Variants in PLA2G4E observed in about 807,000 individuals in gnomAD.
PLA2G4E encodes the protein cytosolic phospholipase A2 epsilon.
In PLA2G4E, 84 loss-of-function variants were observed where a neutral mutation model predicts 109.1. That is an observed-to-expected ratio of 0.77 (90% CI 0.65 to 0.92). The LOEUF (loss-of-function observed/expected upper bound fraction) is 0.92. PLA2G4E is among the 40% of genes least tolerant of loss of function. PLA2G4E has a pLI of 0.00. For synonymous variants in PLA2G4E, 469 were observed against 436.1 expected (o/e 1.08, Z -0.94); for missense variants, 1,057 against 1,076.6 (o/e 0.98, Z 0.25).
At chr15:41,996,350 G>GAAAAAAAAAAAAA (rs34559872) in intron 11 of PLA2G4E, among the ~76,000 whole-genome samples, 7 of 75,104 alleles carry the variant, frequency 9.3e-5, no homozygotes, top group Admixed American at 1.8e-4. Context: ...CCTGTCTCAA[G>GAAAAAAAAAAAAA]AAAAAAAAAA....
chr15:41,995,363 G>A, exon 12 of PLA2G4E: 4 of 1,612,916 alleles, frequency 2.5e-6, no homozygotes, highest in Non-Finnish European at 2.5e-6. Context: ...TCCTTACCAG[G>A]TGGCCCCTGA....
chr15:41,995,033 T>C (rs1030693186), intron 12 of PLA2G4E, among the ~76,000 whole-genome samples: 1 of 152,258 alleles, frequency 6.6e-6, no homozygotes, highest in Non-Finnish European at 1.5e-5. Flanking sequence ...GTCATGTTCC[T>C]GGGTCCATAC....
chr15:41,999,862 C>G, intron 9 of PLA2G4E, 55 bp downstream of exon 9: 1 of 1,513,968 alleles, frequency 6.6e-7, no homozygotes, highest in Non-Finnish European at 9.0e-7. Context: ...ACCTCCCTAC[C>G]ACAGGAGCTC....
exon 8 of PLA2G4E, chr15:42,000,159 T>C (rs1316800796): frequency 6.3e-7 from 1 of 1,595,788 alleles, no homozygotes; most frequent in Non-Finnish European, 8.5e-7. Context: ...CTGGAAGTAC[T>C]TGGGGTAGTG....
intron 7 of PLA2G4E, 39 bp from the exon 8 acceptor site, chr15:42,000,321 C>T: frequency 6.6e-7 from 1 of 1,523,152 alleles, no homozygotes. Flanking sequence ...CTGGGAGCCT[C>T]TCACTACCCA....
At chr15:42,014,126 AG>A (rs2068565894) in intron 1 of PLA2G4E, among the ~76,000 whole-genome samples, 1 of 151,934 alleles carries the variant, frequency 6.6e-6, no homozygotes, top group Non-Finnish European at 1.5e-5. Flanking sequence ...TCCTTATGTC[AG>A]GTGATCCACC....
intron 1 of PLA2G4E, among the ~76,000 whole-genome samples, chr15:42,034,589 C>T (rs1367907896): frequency 1.3e-5 from 2 of 152,218 alleles, no homozygotes; most frequent in Non-Finnish European, 2.9e-5. Context: ...CATTCTCATC[C>T]TCTTAGACTC....
At chr15:42,046,103 T>A (rs1889411536) in intron 1 of PLA2G4E, among the ~76,000 whole-genome samples, 1 of 152,170 alleles carries the variant, frequency 6.6e-6, no homozygotes, top group Non-Finnish European at 1.5e-5. Flanking sequence ...TACTGTCCAA[T>A]GCTACCACCC....
chr15:42,010,132 G>GCCCCACCCCCCCCCCCCCCCCCC, intron 2 of PLA2G4E: 1 of 417,170 alleles, frequency 2.4e-6, no homozygotes, highest in Non-Finnish European at 4.7e-6. Flanking sequence ...CAGAACACTG[G>GCCCCACCCCCCCCCCCCCCCCCC]CCCCCCCACC....
At chr15:42,046,187 C>A (rs1024673168) in intron 1 of PLA2G4E, among the ~76,000 whole-genome samples, 2 of 152,222 alleles carry the variant, frequency 1.3e-5, no homozygotes, top group Non-Finnish European at 2.9e-5. Flanking sequence ...TCCCCTCTGG[C>A]CCCCAGGAAA....
At chr15:41,987,890 GGGGCCGCCCCCCATCACCCAGCCA>G (rs1392861050) in intron 16 of PLA2G4E, among the ~76,000 whole-genome samples, 135 bp downstream of exon 16, 1 of 149,608 alleles carries the variant, frequency 6.7e-6, no homozygotes, top group Non-Finnish European at 1.5e-5. Flanking sequence ...GGGAAAGCCG[GGGGCCGCCCCCCATCACCCAGCCA>G]TGAGGGAAAG....
chr15:42,043,277 T>C (rs776838656), intron 1 of PLA2G4E, among the ~76,000 whole-genome samples: 7 of 151,710 alleles, frequency 4.6e-5, no homozygotes, highest in Non-Finnish European at 1.0e-4. Context: ...GCCTAAGAGG[T>C]AGGTGGCTCT....
At chr15:42,013,557 T>C in intron 2 of PLA2G4E, 128 bp downstream of exon 2, 2 of 827,962 alleles carry the variant, frequency 2.4e-6, no homozygotes, top group Admixed American at 2.1e-5. Context: ...CATACACGTA[T>C]ACACCATGCA....
intron 1 of PLA2G4E, among the ~76,000 whole-genome samples, chr15:42,047,156 C>G (rs899970427): frequency 2.6e-5 from 4 of 152,126 alleles, no homozygotes; most frequent in African/African-American, 9.7e-5. Context: ...ATGTTTTTGG[C>G]AGGTAGAGGT....
intron 1 of PLA2G4E, among the ~76,000 whole-genome samples, chr15:42,036,758 C>T (rs1462713054): frequency 2.0e-5 from 3 of 152,178 alleles, no homozygotes; most frequent in Admixed American, 6.5e-5. Context: ...GATGGAGCTG[C>T]ATGCTCCGCG....
intron 13 of PLA2G4E, among the ~76,000 whole-genome samples, chr15:41,991,460 G>T (rs1469998287): frequency 6.9e-6 from 1 of 143,900 alleles, no homozygotes; most frequent in African/African-American, 2.5e-5. Context: ...GATGCCCTTG[G>T]CCTCTGCCTG....
chr15:42,048,370 G>A (rs774925635), intron 1 of PLA2G4E, among the ~76,000 whole-genome samples: 52 of 152,192 alleles, frequency 3.4e-4, no homozygotes, highest in Non-Finnish European at 4.0e-4. Flanking sequence ...TGTAGTTATC[G>A]TATTGGGTTA....
At chr15:42,001,839 A>G (rs2068423204) in intron 6 of PLA2G4E, among the ~76,000 whole-genome samples, 1 of 152,074 alleles carries the variant, frequency 6.6e-6, no homozygotes, top group African/African-American at 2.4e-5. Flanking sequence ...CTACAGACAC[A>G]TGCTACCATG....
intron 8 of PLA2G4E, 51 bp from the exon 9 acceptor site, chr15:42,000,051 C>T (rs964293056): frequency 1.9e-6 from 3 of 1,574,062 alleles, no homozygotes; most frequent in Non-Finnish European, 2.6e-6. Context: ...TCCTCTGGCA[C>T]CCCCCACCTG....
Sources: gnomAD v4.1 joint callset for allele counts (sites outside exome capture counted in the v4.1 genomes callset) on GRCh38, gnomAD v4.1.1 for gene constraint, MANE v1.5 for transcripts, NCBI Gene and HGNC (gene_info 2026-07-23, HGNC 2026-07-21) for gene names.